The following RBFOX2 variants were observed in gnomAD, a reference collection of about 807,000 sequenced individuals.
RBFOX2 encodes the protein RNA binding fox-1 homolog 2.
A neutral mutation model predicts 49.1 loss-of-function variants in RBFOX2; 10 were observed. The ratio of observed to expected loss-of-function variants is 0.20; its 90% CI spans 0.13 to 0.35. The LOEUF (loss-of-function observed/expected upper bound fraction) is 0.35. Ranked by LOEUF, RBFOX2 falls within the 10% of genes least tolerant of loss-of-function variation. RBFOX2 has a pLI of 1.00. For synonymous variants in RBFOX2, 183 were observed against 187.4 expected, an observed-to-expected ratio of 0.98 and a Z score of 0.19; for missense variants, 323 against 486.9, an observed-to-expected ratio of 0.66 and a Z score of 3.17.
chr22:35,892,533 C>T (rs1481912746), intron 1 of RBFOX2, among the ~76,000 whole-genome samples: 9 of 152,140 alleles, frequency 5.9e-5, no homozygotes, highest in African/African-American at 2.2e-4. Flanking sequence ...CTCTTCAATT[C>T]TACAGGTTCT....
At chr22:35,901,859 A>G (rs1440223485) in intron 1 of RBFOX2, among the ~76,000 whole-genome samples, 1 of 151,952 alleles carries the variant, frequency 6.6e-6, no homozygotes, top group South Asian at 2.1e-4. Flanking sequence ...AGGCAGGCGG[A>G]TCACTTGAGT....
chr22:35,756,372 A>C (rs1269874124), intron 9 of RBFOX2, among the ~76,000 whole-genome samples: 2 of 152,158 alleles, frequency 1.3e-5, no homozygotes, highest in Non-Finnish European at 2.9e-5. Flanking sequence ...CAAAACTAGA[A>C]TGCGCAACCT....
At chr22:36,020,420 CT>C (rs1475552429) in intron 1 of RBFOX2, among the ~76,000 whole-genome samples, 1 of 152,152 alleles carries the variant, frequency 6.6e-6, no homozygotes, top group Admixed American at 6.5e-5. Context: ...AACTAAAGAG[CT>C]TCTGCACAGC....
chr22:35,831,811 A>C (rs948945586), intron 1 of RBFOX2, among the ~76,000 whole-genome samples: 3 of 152,232 alleles, frequency 2.0e-5, no homozygotes, highest in African/African-American at 7.2e-5. Flanking sequence ...ATACAGTTGT[A>C]TCATTTGTGG....
At chr22:35,925,301 T>C (rs995126583) in intron 1 of RBFOX2, among the ~76,000 whole-genome samples, 2 of 152,112 alleles carry the variant, frequency 1.3e-5, no homozygotes, top group African/African-American at 4.8e-5. Context: ...AGAGGATTGC[T>C]TGAGCTCAGG....
intron 1 of RBFOX2, among the ~76,000 whole-genome samples, chr22:35,934,438 A>G (rs2052808748): frequency 6.6e-6 from 1 of 152,186 alleles, no homozygotes; most frequent in South Asian, 2.1e-4. Context: ...GTATTTCTTC[A>G]ATTAGAGAAG....
At chr22:35,763,419 G>A (rs367627442) in intron 6 of RBFOX2, among the ~76,000 whole-genome samples, 9 of 152,102 alleles carry the variant, frequency 5.9e-5, no homozygotes, top group East Asian at 3.9e-4. Context: ...AAAATTAGCC[G>A]GATGTGGTGG....
chr22:35,984,467 C>T (rs1236663481), intron 1 of RBFOX2, among the ~76,000 whole-genome samples: 3 of 152,140 alleles, frequency 2.0e-5, no homozygotes, highest in South Asian at 2.1e-4. Context: ...AGACTGAAGG[C>T]ACATTGGAAC....
chr22:35,780,102 CTT>C (rs1424744518), intron 3 of RBFOX2, among the ~76,000 whole-genome samples: 1 of 152,088 alleles, frequency 6.6e-6, no homozygotes, highest in Non-Finnish European at 1.5e-5. Context: ...CTGTTGCTCT[CTT>C]CTCAGAAAAA....
At chr22:35,937,427 CA>C (rs1569500976) in intron 1 of RBFOX2, among the ~76,000 whole-genome samples, 1 of 152,174 alleles carries the variant, frequency 6.6e-6, no homozygotes, top group Admixed American at 6.5e-5. Context: ...GAGCTAACAA[CA>C]CTTCTTCTCC....
chr22:35,958,864 CA>C (rs1163333421), intron 1 of RBFOX2, among the ~76,000 whole-genome samples: 3 of 152,122 alleles, frequency 2.0e-5, no homozygotes, highest in Non-Finnish European at 2.9e-5. Context: ...TGTATCAACT[CA>C]ATTACTCAAA....
intron 1 of RBFOX2, chr22:35,993,135 C>G (rs1036675150): frequency 6.6e-6 from 1 of 152,152 alleles, no homozygotes; most frequent in African/African-American, 2.4e-5. Context: ...GATGCATATA[C>G]AAGTGTTAAA....
intron 1 of RBFOX2, among the ~76,000 whole-genome samples, chr22:35,836,677 A>T (rs563586139): frequency 3.9e-4 from 59 of 152,368 alleles, no homozygotes; most frequent in Middle Eastern, 3.4e-3. Context: ...TGTGTTCCAC[A>T]GAAACTGGCA....
At chr22:35,809,056 A>T (rs1205511906) in intron 2 of RBFOX2, among the ~76,000 whole-genome samples, 2 of 118,256 alleles carry the variant, frequency 1.7e-5, no homozygotes, top group Non-Finnish European at 3.5e-5. Context: ...CATTTGCATT[A>T]AAAAAAAAAA....
chr22:35,967,767 A>G (rs1173699664), intron 1 of RBFOX2, among the ~76,000 whole-genome samples: 1 of 152,228 alleles, frequency 6.6e-6, no homozygotes, highest in Non-Finnish European at 1.5e-5. Context: ...GCATTTCCTT[A>G]TTAGTGCTAC....
At chr22:35,789,919 G>A (rs927623852) in intron 2 of RBFOX2, among the ~76,000 whole-genome samples, 28 of 152,154 alleles carry the variant, frequency 1.8e-4, no homozygotes, top group African/African-American at 6.5e-4. Context: ...TGGGAAGTCT[G>A]AGTGGGTGGA....
At chr22:35,869,516 G>GTC (rs913617736) in intron 1 of RBFOX2, among the ~76,000 whole-genome samples, 1 of 144,282 alleles carries the variant, frequency 6.9e-6, no homozygotes, top group Non-Finnish European at 1.5e-5. Context: ...TGTAGACAGG[G>GTC]TCTCAATATG....
Position 35,861,347 on chromosome 22 carries a change from G to A in RBFOX2, c.-33-51343C>T, listed in dbSNP as rs1166559109. Among the ~76,000 whole-genome samples the A allele has an allele frequency of 5.3e-5, 8 of 151,980 alleles. No individual in the cohort carries two copies. The East Asian group carries it at 1.3e-3, about 26-fold the overall frequency. ...TCTGCTTATCAAAAGACACTGTGAG[G>A]AGAATAAAAAGACAAGCCACAACTG... On this transcript the variant is annotated intron_variant, in intron 1 of 13. Transcript: ENST00000359369.
intron 1 of RBFOX2, among the ~76,000 whole-genome samples, chr22:35,932,262 T>C (rs2052515483): frequency 1.3e-5 from 2 of 151,988 alleles, no homozygotes; most frequent in South Asian, 2.1e-4. Context: ...TGAAAGTTCA[T>C]TGCAAAAATT....
Sources: gnomAD v4.1 joint callset for allele counts (sites outside exome capture counted in the v4.1 genomes callset) on GRCh38, gnomAD v4.1.1 for gene constraint, MANE v1.5 for transcripts, NCBI Gene and HGNC (gene_info 2026-07-23, HGNC 2026-07-21) for gene names.